The following IL3RA variants were observed in gnomAD, a reference collection of about 807,000 sequenced individuals.
IL3RA encodes the protein interleukin-3 receptor subunit alpha.
Under a neutral mutation model 52.3 loss-of-function variants are expected in IL3RA, and 73 were observed. The ratio of observed to expected loss-of-function variants is 1.40; its 90% CI spans 1.16 to 1.70. The LOEUF is 1.70. IL3RA is among the 40% of genes most tolerant of loss of function. IL3RA has a pLI of 0.00. For missense variants in IL3RA, 664 were observed against 504.4 expected (o/e 1.32, Z -3.03); for synonymous variants, 260 against 194.0 (o/e 1.34, Z -2.83).
At chrX:1,346,803 AGCAC>A (rs1268065472) in intron 3 of IL3RA, among the ~76,000 whole-genome samples, 1 of 151,276 alleles carries the variant, frequency 6.6e-6, no homozygotes, top group African/African-American at 2.5e-5. Context: ...ATGGGAAAGG[AGCAC>A]GTTTCCCTGA....
chrX:1,382,432 G>A lies in IL3RA; in HGVS notation c.1104G>A (p.Leu368=). The change falls in exon 12 of 12, where the codon CTG becomes CTA. Residue 368 remains leucine (L), a synonymous_variant. Transcript: ENST00000331035. ...EAGKAGLEEC[L]VTEVQVVQKT ...GCAAAGCCGGCCTGGAGGAGTGTCT[G>A]GTGACTGAAGTACAGGTCGTGCAGA... 1 of 1,613,942 alleles carries A rather than the reference G, an allele frequency of 6.2e-7. No homozygotes were observed. The highest frequency in any genetic ancestry group is 8.5e-7 in the Non-Finnish European group (1 of 1,179,856).
At position 1,352,380 on chromosome X, in the gene IL3RA, G is replaced by T; in HGVS notation, c.490G>T (p.Gly164Trp). 2.5e-6 allele frequency: 4 copies of T among 1,613,854 alleles called. No homozygotes were observed. In the South Asian group the frequency reaches 4.4e-5, roughly 18 times the overall value. Residue 164 changes from glycine to tryptophan, a missense_variant, in exon 6 of 12, where the codon GGG (glycine) becomes TGG (tryptophan). By Grantham distance (184) the Gly-to-Trp change is radical. Transcript: ENST00000331035. ...AACGGATGCTCAGGGAACACGTATCGGGTGTCGTTTCGATGACATCTCTCG... is the reference window on the plus strand; with the variant it reads ...AACGGATGCTCAGGGAACACGTATCTGGTGTCGTTTCGATGACATCTCTCG... ...YKTDAQGTRI[G>W]CRFDDISRLS... is the part of the protein sequence containing the mutation.
chrX:1,378,974 C>G (rs1348948298), intron 10 of IL3RA, among the ~76,000 whole-genome samples: 3 of 151,822 alleles, frequency 2.0e-5, no homozygotes, highest in African/African-American at 7.3e-5. Context: ...TCCCAAGTAG[C>G]TGGGATTACA....
intron 9 of IL3RA, among the ~76,000 whole-genome samples, chrX:1,367,422 G>C (rs1603448518): frequency 1.6e-5 from 1 of 63,818 alleles, no homozygotes; most frequent in Non-Finnish European, 2.9e-5. Flanking sequence ...CCGGGTGCGC[G>C]GGGTGCGCGG....
At position 1,361,105 on chromosome X, in the gene IL3RA, C is replaced by A. The variant is rs2087283780; in HGVS notation, c.759+2218C>A. Among the ~76,000 whole-genome samples the A allele has an allele frequency of 9.0e-5, 12 of 133,764 alleles. No individual in the cohort carries two copies. In the South Asian group the frequency reaches 2.2e-3, roughly 24 times the overall value. 87.8% of individuals were successfully genotyped at this position (133,764 alleles called of 152,430 possible). ...CCTTCCCCTCTCTGTCTCTCTCTCC[C>A]TTCCCCTCTCTGTCTCTCTCTCCCT... On this transcript the variant is annotated intron_variant, in intron 8 of 11. Transcript: ENST00000331035.
chrX:1,353,121 ACCC>A (rs1191958857), intron 6 of IL3RA, among the ~76,000 whole-genome samples: 3 of 120,432 alleles, frequency 2.5e-5, no homozygotes, highest in Admixed American at 2.5e-4. Flanking sequence ...GTCATGGGAC[ACCC>A]CCCATCATGG....
At chrX:1,367,008 G>C (rs1420356404) in intron 9 of IL3RA, among the ~76,000 whole-genome samples, 2 of 8,306 alleles carry the variant, frequency 2.4e-4, no homozygotes, top group Non-Finnish European at 3.6e-4. Flanking sequence ...CGGGGTGAGC[G>C]GGGTGCGCGG....
rs1196533057 is a variant in IL3RA, at chrX:1,348,686, CTTTCTTTT to C, written c.298+143_298+150del. The C allele has an allele frequency of 3.4e-3, 1,597 of 468,922 alleles. 8 individuals are homozygous for C. Among genetic ancestry groups the C allele is most frequent in the East Asian group, 4.9e-3 (157 of 32,022 alleles). 29.0% of individuals were successfully genotyped at this position (468,922 alleles called of 1,614,324 possible). Reference sequence around the variant, plus strand: ...TCTTTCTTTCTTTCTTTCTTTCTTTCTTTCTTTTTCTTTCTTTCTGTTTCTGTTTCTTT... The same window carrying C: ...TCTTTCTTTCTTTCTTTCTTTCTTTCTCTTTCTTTCTGTTTCTGTTTCTTT... On this transcript the variant is annotated intron_variant, in intron 4 of 11. Transcript: ENST00000331035.
intron 6 of IL3RA, among the ~76,000 whole-genome samples, chrX:1,354,427 G>C (rs748888031): frequency 1.1e-4 from 16 of 151,124 alleles, no homozygotes; most frequent in Admixed American, 1.0e-3. Context: ...GAAGAGGAGG[G>C]GGAAACGAGG....
At chrX:1,357,966 G>A (rs751555358) in intron 7 of IL3RA, among the ~76,000 whole-genome samples, 235 of 151,676 alleles carry the variant, frequency 1.5e-3, no homozygotes, top group African/African-American at 3.4e-3. Flanking sequence ...TTAGCTGGGC[G>A]TGGTGGCGGG....
intron 11 of IL3RA, among the ~76,000 whole-genome samples, chrX:1,381,945 TTTG>T (rs770231552): frequency 1.2e-3 from 127 of 109,440 alleles, no homozygotes; most frequent in South Asian, 0.011. Flanking sequence ...TTTGTTTTGT[TTTG>T]TTTGTTTTTG....
intron 9 of IL3RA, among the ~76,000 whole-genome samples, chrX:1,367,968 G>A (rs1339003304): frequency 6.6e-6 from 1 of 152,022 alleles, no homozygotes; most frequent in African/African-American, 2.4e-5. Flanking sequence ...GAGGAGACGT[G>A]GAGGGGAAAC....
chrX:1,368,674 GAC>G (rs2088379768), intron 9 of IL3RA, among the ~76,000 whole-genome samples: 1 of 151,924 alleles, frequency 6.6e-6, no homozygotes, highest in South Asian at 2.1e-4. Context: ...AGGAGATGAG[GAC>G]ACAGACACAC....
chrX:1,361,734 C>A (rs2149086023), intron 8 of IL3RA, among the ~76,000 whole-genome samples: 2 of 124,886 alleles, frequency 1.6e-5, no homozygotes, highest in South Asian at 2.5e-4. Context: ...GCCTGGGTGA[C>A]AGAGTGAGAC....
intron 8 of IL3RA, among the ~76,000 whole-genome samples, chrX:1,361,646 G>C (rs756479132): frequency 6.6e-6 from 1 of 151,584 alleles, no homozygotes; most frequent in Non-Finnish European, 1.5e-5. Flanking sequence ...CCAGCTACTC[G>C]GGAGGCTGAA....
chrX:1,382,537 T>A lies in IL3RA; in HGVS notation c.*72T>A. On this transcript the variant is annotated 3_prime_UTR_variant, in exon 12 of 12. Transcript: ENST00000331035. The stretch of plus-strand genomic sequence containing the variant: ...GGGCCAGGCGCCTGCACAGACTGGC[T>A]GCTGGACCTGCGCACGCAGCCCAGG... 1 of 1,365,468 alleles carries A rather than the reference T, an allele frequency of 7.3e-7. No individual in the cohort carries two copies. Among genetic ancestry groups the A allele is most frequent in the Non-Finnish European group, 1.0e-6 (1 of 953,748 alleles). The allele number at this position is 1,365,468 out of a possible 1,614,324, so 84.6% of individuals were successfully genotyped here.
intron 8 of IL3RA, 96 bp downstream of exon 8, chrX:1,358,983 T>C: frequency 1.2e-6 from 1 of 856,752 alleles, no homozygotes; most frequent in Non-Finnish European, 1.6e-6. Context: ...TTAATAATTC[T>C]TATTAATAAA....
At chrX:1,381,892 G>C (rs1158347854) in intron 11 of IL3RA, among the ~76,000 whole-genome samples, 1 of 151,770 alleles carries the variant, frequency 6.6e-6, no homozygotes, top group Non-Finnish European at 1.5e-5. Context: ...AGAAAGGAAG[G>C]GCAGAGGAAA....
At chrX:1,359,173 A>G (rs1417730113) in intron 8 of IL3RA, among the ~76,000 whole-genome samples, 3 of 151,994 alleles carry the variant, frequency 2.0e-5, no homozygotes, top group African/African-American at 7.3e-5. Context: ...TGAGAGCCAG[A>G]TGCTATGGCT....
Sources: allele counts gnomAD v4.1 joint callset (sites outside exome capture counted in the v4.1 genomes callset), GRCh38; gene constraint gnomAD v4.1.1; transcripts MANE v1.5; gene names NCBI Gene and HGNC (gene_info 2026-07-23, HGNC 2026-07-21).